The following TET1 variants were observed in gnomAD, a reference collection of about 807,000 sequenced individuals.
TET1 encodes the protein methylcytosine dioxygenase TET1.
TET1 carries 13 observed loss-of-function variants against 148.7 expected under a neutral mutation model. The observed-to-expected ratio is 0.09, with a 90% CI of 0.06 to 0.14. TET1 has a LOEUF of 0.14. Among genes scored for constraint, TET1 ranks in the 10% least tolerant of loss-of-function variants. The probability of loss-of-function intolerance (pLI) is 1.00; values close to 1 mark genes in which losing one functional copy is unlikely to be tolerated. For synonymous variants in TET1, 907 were observed against 937.2 expected, an observed-to-expected ratio of 0.97 and a Z score of 0.59; for missense variants, 2,182 against 2,553.8, an observed-to-expected ratio of 0.85 and a Z score of 3.14.
At position 68,677,801 on chromosome 10, in the gene TET1, G is replaced by A. The variant is rs7100730; in HGVS notation, c.4825-3598G>A. Among the ~76,000 whole-genome samples, 424 of 150,974 alleles carry A rather than the reference G, an allele frequency of 2.8e-3. 3 individuals are homozygous for A. Among genetic ancestry groups the A allele is most frequent in the African/African-American group, 9.6e-3 (394 of 41,070 alleles). On this transcript the variant is annotated intron_variant, in intron 8 of 11. Transcript: ENST00000373644. ...ACGCCCAGCTAATTTTGTATTTTTA[G>A]TATAGATGGGGTTTCTCCATGTTGG...
In TET1 at chr10:68,691,713, A is replaced by G. The variant is rs751636336; in HGVS notation, c.6310A>G (p.Ile2104Val). Residue 2104 changes from isoleucine to valine, a missense_variant, in exon 12 of 12, where the codon ATT becomes GTT. By Grantham distance (29) the Ile-to-Val change is conservative. Transcript: ENST00000373644. The surrounding 1 kb of genome is among the most constrained non-coding windows in gnomAD (Gnocchi z 4.4). ...CTCTGAAGTAAATGAATTGAACCAA[A>G]TTCCTTCTCATAAAGCATTAACATT... Reference protein sequence around the residue: ...QSSEVNELNQIPSHKALTLTH... With the variant: ...QSSEVNELNQVPSHKALTLTH... 5.6e-6 allele frequency: 9 copies of G among 1,614,012 alleles called. No homozygotes were observed. Among genetic ancestry groups the G allele is most frequent in the Non-Finnish European group, 7.6e-6 (9 of 1,180,046 alleles).
At chr10:68,669,241 A>G (rs1468966340) in intron 7 of TET1, among the ~76,000 whole-genome samples, 4 of 51,096 alleles carry the variant, frequency 7.8e-5, no homozygotes, top group Middle Eastern at 0.011. Flanking sequence ...TCTTCCCCTC[A>G]CCACCCCCCA....
chr10:68,613,699 G>T (rs1358921956), intron 3 of TET1, among the ~76,000 whole-genome samples: 3 of 152,170 alleles, frequency 2.0e-5, no homozygotes, highest in African/African-American at 7.2e-5. Context: ...CACTTTGGGA[G>T]GCCGAGGCAG....
At chr10:68,594,499 G>A (rs1279710162) in intron 2 of TET1, among the ~76,000 whole-genome samples, 1 of 152,152 alleles carries the variant, frequency 6.6e-6, no homozygotes, top group Non-Finnish European at 1.5e-5. Context: ...TTGGGAGAGT[G>A]GGGGAAGAGC....
intron 3 of TET1, among the ~76,000 whole-genome samples, chr10:68,638,739 T>C (rs2054691978): frequency 6.6e-6 from 1 of 150,982 alleles, no homozygotes; most frequent in African/African-American, 2.4e-5. Flanking sequence ...TGTTTCTTGA[T>C]ACAGGAAATA....
At chr10:68,643,569 C>CCAG (rs1390920378) in intron 3 of TET1, among the ~76,000 whole-genome samples, 7 of 152,046 alleles carry the variant, frequency 4.6e-5, no homozygotes, top group African/African-American at 1.7e-4. Context: ...ACCTGTAATG[C>CCAG]CAGCACTTTG....
chr10:68,675,670 C>T (rs905964075), intron 8 of TET1, among the ~76,000 whole-genome samples: 1 of 150,712 alleles, frequency 6.6e-6, no homozygotes, highest in African/African-American at 2.4e-5. Context: ...GGTGATCTGC[C>T]TAACTCAGCC....
Position 68,691,323 on chromosome 10 carries a change from C to A in TET1, c.5920C>A (p.Pro1974Thr). The change falls in exon 12 of 12, where the codon CCC becomes ACC. Residue 1974 changes from proline (P) to threonine (T), a missense_variant. Coordinates refer to ENST00000373644, the MANE Select transcript of TET1 (RefSeq NM_030625.3). This position sits in a 1 kb window ranked among gnomAD's most constrained non-coding sequence, Gnocchi z 4.4. Reference sequence around the variant, plus strand: ...AGCAGATGAGCCTCCATCAGACGAACCCCTATCTGATGACCCCCTGTCACC... The same window carrying A: ...AGCAGATGAGCCTCCATCAGACGAAACCCTATCTGATGACCCCCTGTCACC... ...SEADEPPSDE[P>T]LSDDPLSPAE... is the part of the protein sequence containing the mutation. 6.2e-7 allele frequency: 1 copy of A among 1,614,202 alleles called. No homozygotes were observed. Among genetic ancestry groups the A allele is most frequent in the South Asian group, 1.1e-5 (1 of 91,080 alleles).
chr10:68,570,944 A>T (rs981115449), intron 1 of TET1, among the ~76,000 whole-genome samples: 10 of 149,700 alleles, frequency 6.7e-5, no homozygotes, highest in African/African-American at 2.5e-4. Context: ...AATTATTTTT[A>T]AATTTTTGTC....
chr10:68,649,148 A>C (rs561355258), intron 4 of TET1, among the ~76,000 whole-genome samples: 1 of 152,332 alleles, frequency 6.6e-6, no homozygotes, highest in African/African-American at 2.4e-5. Flanking sequence ...GAAGCTCTTC[A>C]AAGAGAGGGT....
At chr10:68,596,484 C>T (rs1383710611) in intron 2 of TET1, among the ~76,000 whole-genome samples, 1 of 152,088 alleles carries the variant, frequency 6.6e-6, no homozygotes, top group East Asian at 1.9e-4. Flanking sequence ...AGATGTGTCT[C>T]CGCTATGTAG....
intron 2 of TET1, among the ~76,000 whole-genome samples, chr10:68,583,690 A>ACG (rs2053827200): frequency 6.6e-6 from 1 of 152,166 alleles, no homozygotes; most frequent in African/African-American, 2.4e-5. Context: ...AGGCAAGCAG[A>ACG]TCATGACGTC....
At chr10:68,617,770 T>C (rs1007178076) in intron 3 of TET1, among the ~76,000 whole-genome samples, 1 of 151,870 alleles carries the variant, frequency 6.6e-6, no homozygotes, top group African/African-American at 2.4e-5. Context: ...GGTCTGGAAC[T>C]CCCAGCCTCA....
intron 3 of TET1, among the ~76,000 whole-genome samples, chr10:68,620,609 C>T (rs1372037053): frequency 1.3e-5 from 2 of 148,490 alleles, no homozygotes; most frequent in Non-Finnish European, 3.0e-5. Flanking sequence ...CACTTTTTAA[C>T]TACTATGAAG....
Position 68,611,290 on chromosome 10 carries a change from CA to C in TET1, c.1968+10268del, listed in dbSNP as rs994121942. ...TGGGCAACAGAGCGAGACTCCTTCT[CA>C]AAAAAAAAAAAGTGACCTTTCCAAA... is the stretch of plus-strand genomic sequence containing the variant. On this transcript the variant is annotated intron_variant, in intron 3 of 11. Transcript: ENST00000373644. Among the ~76,000 whole-genome samples the C allele has an allele frequency of 1.6e-3, 229 of 140,524 alleles. 2 individuals are homozygous for C. Among genetic ancestry groups the C allele is most frequent in the African/African-American group, 4.5e-3 (173 of 38,598 alleles). 92.2% of individuals were successfully genotyped at this position (140,524 alleles called of 152,430 possible).
chr10:68,646,900 G>C lies in TET1; in HGVS notation c.4171G>C (p.Ala1391Pro). 1.2e-6 allele frequency: 2 copies of C among 1,614,136 alleles called. No homozygotes were observed. The highest frequency in any genetic ancestry group is 1.7e-6 in the Non-Finnish European group (2 of 1,180,046). Residue 1391 changes from alanine to proline, a missense_variant, in exon 4 of 12, where the codon GCA (alanine) becomes CCA (proline). Physicochemically the swap from Ala to Pro is conservative, Grantham distance 27. This residue lies in a region of TET1 where 169 missense variants were observed against 263.7 expected (regional missense o/e 0.64). Transcript: ENST00000373644. Reference protein sequence around the residue: ...GTSEFSTVDSAQKNFNDYAMN... With the variant: ...GTSEFSTVDSPQKNFNDYAMN... Reference sequence around the variant, plus strand: ...ATCAGAATTTTCCACAGTGGACAGTGCACAGAAAAATTTTAATGATTATGC... The same window carrying C: ...ATCAGAATTTTCCACAGTGGACAGTCCACAGAAAAATTTTAATGATTATGC...
rs756715300 is a variant in TET1 at position 68,686,337 on chromosome 10, A to G, written c.5053-19A>G. 5 of 1,561,340 alleles carry G rather than the reference A, an allele frequency of 3.2e-6. No individual in the cohort carries two copies. On this transcript the variant is annotated intron_variant, in intron 10 of 11. Coordinates refer to ENST00000373644, the MANE Select transcript of TET1 (RefSeq NM_030625.3). ...ACGACCCGTATATCTTTCCCATTTC[A>G]TGTTTTTCTCCCTATCAGGTTTGTA...
At chr10:68,620,731 C>T (rs1044579519) in intron 3 of TET1, among the ~76,000 whole-genome samples, 2 of 152,170 alleles carry the variant, frequency 1.3e-5, no homozygotes, top group African/African-American at 4.8e-5. Flanking sequence ...CTATGCTTGA[C>T]TTTAAGAGCC....
chr10:68,576,389 T>C (rs1454190170), intron 2 of TET1, among the ~76,000 whole-genome samples: 2 of 149,368 alleles, frequency 1.3e-5, no homozygotes, highest in African/African-American at 4.9e-5. Context: ...AGGCCAGGCA[T>C]GGTGGCTCAT....
Sources: allele counts gnomAD v4.1 joint callset (sites outside exome capture counted in the v4.1 genomes callset), GRCh38; gene constraint gnomAD v4.1.1; regional missense constraint gnomAD v4.1.1; non-coding constraint Gnocchi (gnomAD v3.1); transcripts MANE v1.5; gene names NCBI Gene and HGNC (gene_info 2026-07-23, HGNC 2026-07-21).